MCOLN3: variants seen among roughly 807,000 people sequenced by gnomAD.
MCOLN3 encodes mucolipin TRP cation channel 3.
In MCOLN3, 62 loss-of-function variants were observed where a neutral mutation model predicts 69.4. The observed-to-expected ratio is 0.89, with a 90% CI of 0.73 to 1.10. MCOLN3 has a LOEUF of 1.10. Among genes scored for constraint, MCOLN3 ranks in the 50% least tolerant of loss-of-function variants. MCOLN3 has a pLI of 0.00. For synonymous variants in MCOLN3, 183 were observed against 217.0 expected (o/e 0.84, Z 1.38); for missense variants, 564 against 656.4 (o/e 0.86, Z 1.54).
chr1:85,031,315 G>A (rs1652511245), intron 6 of MCOLN3, among the ~76,000 whole-genome samples: 1 of 151,252 alleles, frequency 6.6e-6, no homozygotes, highest in Non-Finnish European at 1.5e-5. Context: ...ATAAGATCTA[G>A]TGTTTAGTAG....
At chr1:85,029,444 G>A in intron 6 of MCOLN3, 1 of 358,580 alleles carries the variant, frequency 2.8e-6, no homozygotes, top group South Asian at 5.1e-5. Flanking sequence ...GTCTAGGGCA[G>A]CATTTCCACT....
intron 4 of MCOLN3, among the ~76,000 whole-genome samples, chr1:85,033,528 T>G (rs780255960): frequency 2.0e-5 from 3 of 152,210 alleles, no homozygotes; most frequent in Non-Finnish European, 4.4e-5. Context: ...CTCAATGACC[T>G]AAGCTAATAT....
intron 9 of MCOLN3, among the ~76,000 whole-genome samples, chr1:85,023,846 T>G (rs1383298454): frequency 1.3e-5 from 2 of 152,134 alleles, no homozygotes; most frequent in African/African-American, 4.8e-5. Context: ...AGCCAGTGAC[T>G]TAGGAGGAAA....
intron 4 of MCOLN3, among the ~76,000 whole-genome samples, chr1:85,033,652 G>T (rs894652899): frequency 6.6e-6 from 1 of 152,132 alleles, no homozygotes; most frequent in African/African-American, 2.4e-5. Context: ...ATAGTGAAGT[G>T]GTATTGGGGC....
At chr1:85,028,896 G>GT (rs1441362784) in intron 7 of MCOLN3, among the ~76,000 whole-genome samples, 2 of 152,266 alleles carry the variant, frequency 1.3e-5, no homozygotes, top group African/African-American at 4.8e-5. Flanking sequence ...GAGTGGGCAA[G>GT]TGAGGGCACA....
chr1:85,030,512 C>T (rs7529553), intron 6 of MCOLN3, among the ~76,000 whole-genome samples: 3,395 of 152,246 alleles, frequency 0.022, 138 homozygotes, highest in African/African-American at 0.078. Flanking sequence ...CAAATACAGA[C>T]GTTTTTGTCT....
At chr1:85,031,047 T>G (rs1652488537) in intron 6 of MCOLN3, among the ~76,000 whole-genome samples, 1 of 151,856 alleles carries the variant, frequency 6.6e-6, no homozygotes, top group Admixed American at 6.6e-5. Flanking sequence ...CCGAGGTGGG[T>G]GGATCACGAG....
chr1:85,035,748 GCCTCTCCAATCCTC>G (rs1012333881), intron 3 of MCOLN3, among the ~76,000 whole-genome samples: 3 of 152,068 alleles, frequency 2.0e-5, no homozygotes, highest in Non-Finnish European at 2.9e-5. Context: ...TTAAGCCTCT[GCCTCTCCAATCCTC>G]CCTCTCACCT....
intron 12 of MCOLN3, 71 bp downstream of exon 12, chr1:85,020,999 G>T: frequency 9.1e-7 from 1 of 1,102,974 alleles, no homozygotes; most frequent in Non-Finnish European, 1.3e-6. Context: ...TCTACCATTA[G>T]GTACTGAATT....
intron 8 of MCOLN3, 41 bp from the exon 9 acceptor site, chr1:85,026,129 A>G (rs747660031): frequency 6.2e-7 from 1 of 1,613,240 alleles, no homozygotes; most frequent in East Asian, 2.2e-5. Flanking sequence ...TGTCTCTGTC[A>G]ATCAAAATGT....
At chr1:85,025,118 G>A (rs1010105134) in intron 9 of MCOLN3, 1 of 152,176 alleles carries the variant, frequency 6.6e-6, no homozygotes, top group Non-Finnish European at 1.5e-5. Context: ...CTTAAGGGGT[G>A]GCAGAGAAAC....
At chr1:85,040,223 A>G (rs924000704) in intron 3 of MCOLN3, among the ~76,000 whole-genome samples, 3 of 152,180 alleles carry the variant, frequency 2.0e-5, no homozygotes, top group Non-Finnish European at 4.4e-5. Context: ...GAAAGACTTC[A>G]TGCCATAAAT....
In MCOLN3 at chr1:85,026,077, A is replaced by T; in HGVS notation, c.957T>A (p.Asn319Lys). ...RGLQLQQEFVNFFLLHYKKEV... is the reference protein window; with the variant it reads ...RGLQLQQEFVKFFLLHYKKEV... ...CCTTCTTATAATGGAGGAGGAAAAAATTGACAAACTCCTTTAGGGAAAAGA... is the reference window on the plus strand; with the variant it reads ...CCTTCTTATAATGGAGGAGGAAAAATTTGACAAACTCCTTTAGGGAAAAGA... The change falls in exon 9 of 13, where the codon AAT becomes AAA. Residue 319 changes from asparagine to lysine, a missense_variant. Coordinates refer to ENST00000370589, the MANE Select transcript of MCOLN3 (RefSeq NM_018298.11). 1 of 1,602,690 alleles carries T rather than the reference A, an allele frequency of 6.2e-7. No individual in the cohort carries two copies. The highest frequency in any genetic ancestry group is 8.5e-7 in the Non-Finnish European group (1 of 1,174,570).
intron 9 of MCOLN3, among the ~76,000 whole-genome samples, chr1:85,023,673 G>T (rs78384296): frequency 0.022 from 3,386 of 152,234 alleles, 137 homozygotes; most frequent in African/African-American, 0.078. Flanking sequence ...CTAAGTGGGG[G>T]TATAGATTTG....
intron 3 of MCOLN3, among the ~76,000 whole-genome samples, chr1:85,040,760 T>G (rs1020104973): frequency 6.6e-6 from 1 of 152,224 alleles, no homozygotes; most frequent in African/African-American, 2.4e-5. Context: ...AAGCCCTAAC[T>G]CTGATTCTTT....
intron 2 of MCOLN3, among the ~76,000 whole-genome samples, chr1:85,041,397 C>G (rs1449215794): frequency 6.6e-6 from 1 of 152,046 alleles, no homozygotes; most frequent in Non-Finnish European, 1.5e-5. Flanking sequence ...ACAGGAAGAC[C>G]AAAAATAGAA....
Position 85,029,118 on chromosome 1 carries a change from C to T in MCOLN3, c.820G>A (p.Val274Ile). 2 of 1,583,946 alleles carry T rather than the reference C, an allele frequency of 1.3e-6. No homozygotes were observed. The highest frequency in any genetic ancestry group is 1.7e-6 in the Non-Finnish European group (2 of 1,152,722). Residue 274 changes from valine to isoleucine, a missense_variant, in exon 7 of 13, where the codon GTA (valine) becomes ATA (isoleucine). By Grantham distance (29) the Val-to-Ile change is conservative. Coordinates refer to ENST00000370589, the MANE Select transcript of MCOLN3 (RefSeq NM_018298.11). ...GCGCATCACTTACTTGATCCAGATA[C>T]ATGCCAGTCTTTACATTCTCTGATG... ...ISIRECKDWH[V>I]SGSIQKNTHY...
intron 9 of MCOLN3, chr1:85,023,246 A>G (rs1357427217): frequency 1.3e-5 from 2 of 151,594 alleles, no homozygotes; most frequent in African/African-American, 4.9e-5. Flanking sequence ...TTGACTGCTA[A>G]TTTTTTTAAT....
Position 85,018,348 on chromosome 1 carries a change from T to C in MCOLN3, c.*775A>G, listed in dbSNP as rs969029038. ...CCATATTTTTACTGTCCCTTTTCTA[T>C]GTTTAGATACTTACCATTGTGTTAC... is the stretch of plus-strand genomic sequence containing the variant. On this transcript the variant is annotated 3_prime_UTR_variant, in exon 13 of 13. Coordinates refer to ENST00000370589, the MANE Select transcript of MCOLN3 (RefSeq NM_018298.11). The C allele has an allele frequency of 2.0e-5, 3 of 152,214 alleles. No homozygotes were observed. The highest frequency in any genetic ancestry group is 2.1e-4 in the South Asian group (1 of 4,828). 9.4% of individuals were successfully genotyped at this position (152,214 alleles called of 1,614,324 possible).
Sources: allele counts gnomAD v4.1 joint callset (sites outside exome capture counted in the v4.1 genomes callset), GRCh38; gene constraint gnomAD v4.1.1; transcripts MANE v1.5; gene names NCBI Gene and HGNC (gene_info 2026-07-23, HGNC 2026-07-21).